GTPBP4: variants seen among roughly 807,000 people sequenced by gnomAD.
GTPBP4 encodes the protein GTP binding protein 4, also known as GTP-binding protein 4.
In GTPBP4, 15 loss-of-function variants were observed where a neutral mutation model predicts 81.7. That is an observed-to-expected ratio of 0.18 (90% CI 0.12 to 0.28). The LOEUF (loss-of-function observed/expected upper bound fraction) is 0.28, where lower values mean the gene tolerates loss of function less well. Among genes scored for constraint, GTPBP4 ranks in the 10% least tolerant of loss-of-function variants. The pLI, the probability that GTPBP4 is intolerant of heterozygous loss-of-function variation, is 1.00. For missense variants in GTPBP4, 847 were observed against 793.8 expected (o/e 1.07, Z -0.81); for synonymous variants, 272 against 274.6 (o/e 0.99, Z 0.09).
In GTPBP4 at chr10:995,939, C is replaced by T. The variant is rs1352734265; in HGVS notation, c.230C>T (p.Pro77Leu). 4 of 1,597,518 alleles carry T rather than the reference C, an allele frequency of 2.5e-6. No individual in the cohort carries two copies. The highest frequency in any genetic ancestry group is 1.7e-5 in the Admixed American group (1 of 59,784). The part of the protein sequence containing the change: ...TDFPKLDDIH[P>L]FYADLMNILY... Reference sequence around the variant, plus strand: ...TTTTGTTTGTTACAGGATATTCATCCGTTCTATGCTGATTTGATGAATATT... The same window carrying T: ...TTTTGTTTGTTACAGGATATTCATCTGTTCTATGCTGATTTGATGAATATT... The change falls in exon 3 of 17, where the codon CCG becomes CTG. Residue 77 changes from proline (P) to leucine (L), a missense_variant. Pro to Leu is a moderately conservative substitution (Grantham distance 98). This residue lies in a region of GTPBP4 where 241 missense variants were observed against 216.3 expected (regional missense o/e 1.11). Transcript: ENST00000360803.
intron 2 of GTPBP4, among the ~76,000 whole-genome samples, chr10:995,375 CTG>C (rs2132157446): frequency 6.6e-6 from 1 of 152,092 alleles, no homozygotes; most frequent in Non-Finnish European, 1.5e-5. Flanking sequence ...GAGATAAAAA[CTG>C]AGAATTGGTC....
At chr10:998,255 G>A (rs1174677029) in intron 5 of GTPBP4, among the ~76,000 whole-genome samples, 1 of 151,860 alleles carries the variant, frequency 6.6e-6, no homozygotes, top group Non-Finnish European at 1.5e-5. Flanking sequence ...GCACGCCACC[G>A]CACCTGTTTA....
intron 10 of GTPBP4, among the ~76,000 whole-genome samples, chr10:1,007,704 C>T (rs935341057): frequency 2.0e-5 from 3 of 152,268 alleles, no homozygotes; most frequent in African/African-American, 7.2e-5. Flanking sequence ...TCCTGTCCCA[C>T]AGACGCCTTC....
chr10:1,008,781 A>G, intron 10 of GTPBP4, 177 bp from the exon 11 acceptor site: 1 of 622,012 alleles, frequency 1.6e-6, no homozygotes, highest in Non-Finnish European at 3.0e-6. Flanking sequence ...TTGGTTGTTA[A>G]TTGGTCTCGG....
intron 1 of GTPBP4, among the ~76,000 whole-genome samples, 197 bp from the exon 2 acceptor site, chr10:992,292 C>T (rs1831458231): frequency 6.6e-6 from 1 of 150,640 alleles, no homozygotes; most frequent in Non-Finnish European, 1.5e-5. Context: ...CCCAGCTACT[C>T]TGGAGGCTGA....
At chr10:1,012,722 G>A in intron 14 of GTPBP4, 60 bp downstream of exon 14, 2 of 1,172,058 alleles carry the variant, frequency 1.7e-6, no homozygotes, top group Non-Finnish European at 2.5e-6. Flanking sequence ...ATTCCTGTGT[G>A]ATCATTGCTA....
intron 2 of GTPBP4, among the ~76,000 whole-genome samples, chr10:992,977 A>G (rs1230557690): frequency 2.0e-5 from 3 of 152,170 alleles, no homozygotes; most frequent in Admixed American, 2.0e-4. Context: ...GCTGTGGGTT[A>G]TGAACACAGA....
At chr10:997,126 G>A in intron 4 of GTPBP4, 82 bp from the exon 5 acceptor site, 1 of 848,716 alleles carries the variant, frequency 1.2e-6, no homozygotes, top group East Asian at 2.4e-5. Flanking sequence ...CATAGGCCTG[G>A]ACTGTAACTA....
At chr10:997,117 A>C in intron 4 of GTPBP4, 91 bp from the exon 5 acceptor site, 2 of 777,474 alleles carry the variant, frequency 2.6e-6, no homozygotes, top group Non-Finnish European at 4.5e-6. Flanking sequence ...GAATATCACC[A>C]TAGGCCTGGA....
chr10:989,402 A>C (rs1831402528), intron 1 of GTPBP4, among the ~76,000 whole-genome samples: 1 of 152,166 alleles, frequency 6.6e-6, no homozygotes, highest in Non-Finnish European at 1.5e-5. Flanking sequence ...GGCGTGAGCC[A>C]CTGCGCCCGG....
At chr10:1,007,323 T>G (rs1589028711) in intron 10 of GTPBP4, 195 bp downstream of exon 10, 1 of 525,712 alleles carries the variant, frequency 1.9e-6, no homozygotes. Flanking sequence ...TGGCACCCGT[T>G]TCCCACTGCA....
chr10:993,126 A>G (rs1831476019), intron 2 of GTPBP4, among the ~76,000 whole-genome samples: 1 of 152,030 alleles, frequency 6.6e-6, no homozygotes, highest in Non-Finnish European at 1.5e-5. Context: ...TCAGCTGATG[A>G]CAGTCAGTTC....
intron 1 of GTPBP4, among the ~76,000 whole-genome samples, chr10:992,272 C>T (rs7922867): frequency 1.1e-3 from 164 of 151,626 alleles, no homozygotes; most frequent in Middle Eastern, 6.8e-3. Flanking sequence ...TGGTGGCACG[C>T]GCCTGTAGTC....
chr10:1,017,065 C>A lies in GTPBP4; in HGVS notation c.1753-10C>A. On this transcript the variant is annotated splice_polypyrimidine_tract_variant and intron_variant, in intron 16 of 16. Coordinates refer to ENST00000360803, the MANE Select transcript of GTPBP4 (RefSeq NM_012341.3). ...AATGAACATACTTTATTTTTTTCTC[C>A]TCCTTTTAGATGGTGAAGAAAGCCA... 6.3e-7 allele frequency: 1 copy of A among 1,597,166 alleles called. No individual in the cohort carries two copies. The highest frequency in any genetic ancestry group is 8.5e-7 in the Non-Finnish European group (1 of 1,173,096).
chr10:998,129 T>C (rs749502985), intron 5 of GTPBP4, among the ~76,000 whole-genome samples: 3 of 152,356 alleles, frequency 2.0e-5, no homozygotes, highest in Non-Finnish European at 4.4e-5. Flanking sequence ...AGACAGGGTC[T>C]CGCTCTGTTG....
chr10:994,254 ATTTTTGTT>A (rs1831499277), intron 2 of GTPBP4, among the ~76,000 whole-genome samples: 1 of 43,316 alleles, frequency 2.3e-5, no homozygotes, highest in Admixed American at 2.8e-4. Flanking sequence ...TAAGAATGAG[ATTTTTGTT>A]TGTTTGTTTG....
intron 1 of GTPBP4, 113 bp downstream of exon 1, chr10:988,640 C>A: frequency 1.3e-6 from 1 of 783,664 alleles, no homozygotes; most frequent in Non-Finnish European, 2.2e-6. Context: ...TCGCCCATCC[C>A]CCGCTCCTGG....
chr10:1,010,370 G>A, intron 12 of GTPBP4, 50 bp from the exon 13 acceptor site: 2 of 904,998 alleles, frequency 2.2e-6, no homozygotes, highest in Admixed American at 1.8e-5. Context: ...CGTAGTACTT[G>A]AAGATATTAA....
intron 2 of GTPBP4, among the ~76,000 whole-genome samples, chr10:995,081 AGTCAAG>A (rs1454273721): frequency 2.0e-5 from 3 of 152,196 alleles, no homozygotes; most frequent in Non-Finnish European, 4.4e-5. Flanking sequence ...TGGAGGTGGT[AGTCAAG>A]GGTCGAGTTT....
Sources: allele counts gnomAD v4.1 joint callset (sites outside exome capture counted in the v4.1 genomes callset), GRCh38; gene constraint gnomAD v4.1.1; regional missense constraint gnomAD v4.1.1; transcripts MANE v1.5; gene names NCBI Gene and HGNC (gene_info 2026-07-23, HGNC 2026-07-21).